Variants in FXN observed in about 807,000 individuals in gnomAD.
FXN encodes frataxin, also known as frataxin, mitochondrial.
A neutral mutation model predicts 22.4 loss-of-function variants in FXN; 14 were observed. The observed-to-expected ratio is 0.62, with a 90% CI of 0.41 to 0.98. FXN has a LOEUF of 0.98. Ranked by LOEUF, FXN falls within the 50% of genes least tolerant of loss-of-function variation. The pLI, the probability that FXN is intolerant of heterozygous loss-of-function variation, is 0.00. For synonymous variants in FXN, 120 were observed against 114.1 expected (o/e 1.05, Z -0.33); for missense variants, 267 against 268.4 (o/e 0.99, Z 0.04).
chr9:69,071,137 G>A (rs1832267051), intron 4 of FXN: 1 of 517,624 alleles, frequency 1.9e-6, no homozygotes, highest in Non-Finnish European at 3.9e-6. Flanking sequence ...AGGCAGTGTG[G>A]AGGGGTCTAG....
At chr9:69,045,600 A>G (rs183811537) in intron 1 of FXN, among the ~76,000 whole-genome samples, 133 of 152,176 alleles carry the variant, frequency 8.7e-4, no homozygotes, top group African/African-American at 3.1e-3. Flanking sequence ...CTCAAAAACA[A>G]AAAACAAAAA....
chr9:69,077,003 C>A lies in FXN; in HGVS notation c.*4241C>A. ...GATCTGGGCTCACTACAACCTCCGC[C>A]TCCTGGGTTCAAGCAATTCTCTGCC... On this transcript the variant is annotated 3_prime_UTR_variant, in exon 5 of 5. Coordinates refer to ENST00000484259, the MANE Select transcript of FXN (RefSeq NM_000144.5). 3 of 721,458 alleles carry A rather than the reference C, an allele frequency of 4.2e-6. No homozygotes were observed. The highest frequency in any genetic ancestry group is 5.1e-6 in the Non-Finnish European group (3 of 589,170). 44.7% of individuals were successfully genotyped at this position (721,458 alleles called of 1,614,324 possible).
At chr9:69,056,576 A>G (rs1471488333) in intron 3 of FXN, among the ~76,000 whole-genome samples, 2 of 152,156 alleles carry the variant, frequency 1.3e-5, no homozygotes, top group African/African-American at 2.4e-5. Flanking sequence ...GCTGTGAGCC[A>G]TGATCGCACC....
Position 69,058,798 on chromosome 9 carries a change from G to A in FXN, c.384+5538G>A, listed in dbSNP as rs1417880469. The stretch of plus-strand genomic sequence containing the variant: ...AAAGTGAGGGCCTGGTGCTGGTGCG[G>A]TGCCTCACGCCTGTAATCCCAGCAC... On this transcript the variant is annotated intron_variant, in intron 3 of 4. Coordinates refer to ENST00000484259, the MANE Select transcript of FXN (RefSeq NM_000144.5). 2.0e-5 allele frequency among the ~76,000 whole-genome samples: 3 copies of A among 152,180 alleles called. No individual in the cohort carries two copies. The East Asian group carries it at 5.8e-4, about 29-fold the overall frequency.
intron 1 of FXN, 128 bp downstream of exon 1, chr9:69,036,075 C>A (rs1587812052): frequency 2.4e-6 from 2 of 828,390 alleles, no homozygotes; most frequent in Non-Finnish European, 1.6e-6. Flanking sequence ...TCACCCCGCT[C>A]CTTCTCAGGG....
chr9:69,072,485 TA>T, intron 4 of FXN, 126 bp from the exon 5 acceptor site: 1 of 1,429,792 alleles, frequency 7.0e-7, no homozygotes, highest in South Asian at 1.2e-5. Flanking sequence ...AGATATACAC[TA>T]GCTCATTTTG....
At chr9:69,036,063 G>A (rs1335071553) in intron 1 of FXN, 116 bp downstream of exon 1, 3 of 901,394 alleles carry the variant, frequency 3.3e-6, no homozygotes, top group South Asian at 5.1e-5. Flanking sequence ...CGCTGGACTA[G>A]CTCACCCCGC....
At position 69,039,901 on chromosome 9, in the gene FXN, C is replaced by T. The variant is rs146716147; in HGVS notation, c.165+3954C>T. On this transcript the variant is annotated intron_variant, in intron 1 of 4. Coordinates refer to ENST00000484259, the MANE Select transcript of FXN (RefSeq NM_000144.5). ...GTGGGGACTTTGCAGAGTATTGAGGCGGCACCGGGCGTCATATGGTAAGGG... is the reference window on the plus strand; with the variant it reads ...GTGGGGACTTTGCAGAGTATTGAGGTGGCACCGGGCGTCATATGGTAAGGG... 4.9e-4 allele frequency among the ~76,000 whole-genome samples: 74 copies of T among 152,240 alleles called. No individual in the cohort carries two copies. The Middle Eastern group carries it at 0.01, about 21-fold the overall frequency.
rs145627418 is a variant in FXN, at chr9:69,064,896, T to C, written c.385-42T>C. 1.6e-4 allele frequency: 207 copies of C among 1,265,356 alleles called. No individual in the cohort carries two copies. In the African/African-American group the frequency reaches 2.9e-3, roughly 18 times the overall value. 78.4% of individuals were successfully genotyped at this position (1,265,356 alleles called of 1,614,324 possible). On this transcript the variant is annotated intron_variant, in intron 3 of 4. Coordinates refer to ENST00000484259, the MANE Select transcript of FXN (RefSeq NM_000144.5). ...TGATGACAAAGTGCTAACTTTTTCT[T>C]GTTTTAATTTCTTTATGCTTTTTTT...
chr9:69,037,281 A>AGAAGAAGAAGAAGAAGAAGAAGAAG (rs1554758751), intron 1 of FXN, among the ~76,000 whole-genome samples: 1 of 6,112 alleles, frequency 1.6e-4, no homozygotes, highest in Non-Finnish European at 6.1e-4. Context: ...AAAAAAAAAA[A>AGAAGAAGAAGAAGAAGAAGAAGAAG]AAAAAGAAGA....
intron 4 of FXN, among the ~76,000 whole-genome samples, chr9:69,065,666 C>A (rs1832155434): frequency 6.6e-6 from 1 of 152,134 alleles, no homozygotes; most frequent in South Asian, 2.1e-4. Context: ...TCCCTGCTGA[C>A]AATTTGGATA....
intron 4 of FXN, among the ~76,000 whole-genome samples, chr9:69,070,218 G>C (rs1439856420): frequency 2.7e-5 from 4 of 148,658 alleles, no homozygotes; most frequent in Admixed American, 1.3e-4. Flanking sequence ...GACACAGTGA[G>C]ACCCCATCTC....
chr9:69,047,109 A>T (rs1039010396), intron 2 of FXN, among the ~76,000 whole-genome samples: 18 of 152,166 alleles, frequency 1.2e-4, no homozygotes, highest in Non-Finnish European at 1.3e-4. Flanking sequence ...CCGGCACGGC[A>T]TTCCCCATGG....
intron 4 of FXN, among the ~76,000 whole-genome samples, chr9:69,067,044 G>A (rs1328340513): frequency 6.6e-6 from 1 of 152,238 alleles, no homozygotes; most frequent in African/African-American, 2.4e-5. Flanking sequence ...ATGGGAGTCG[G>A]GGGAAGGGAG....
In FXN at chr9:69,077,443, T is replaced by G. The variant is rs1212968810; in HGVS notation, c.*4681T>G. 4.1e-6 allele frequency: 4 copies of G among 985,394 alleles called. No individual in the cohort carries two copies. The East Asian group carries it at 3.4e-4, about 84-fold the overall frequency. The allele number at this position is 985,394 out of a possible 1,614,324, so 61.0% of individuals were successfully genotyped here. ...ATTGAAATGTTTATTAGCTGAAGAT[T>G]TATTTAGACAGTTGAGGAAAACATC... On this transcript the variant is annotated 3_prime_UTR_variant, in exon 5 of 5. Transcript: ENST00000484259.
intron 1 of FXN, among the ~76,000 whole-genome samples, chr9:69,043,126 A>AG (rs1291390769): frequency 6.6e-6 from 1 of 152,200 alleles, no homozygotes; most frequent in Non-Finnish European, 1.5e-5. Flanking sequence ...CGGCAAAAAA[A>AG]TGTGAGCTCC....
chr9:69,063,957 TTC>T (rs1564337640), intron 3 of FXN, among the ~76,000 whole-genome samples: 10 of 152,220 alleles, frequency 6.6e-5, no homozygotes, highest in Non-Finnish European at 4.4e-5. Flanking sequence ...GTGCTGGAAT[TTC>T]AGGCATGAGC....
chr9:69,071,202 A>C (rs570430496), intron 4 of FXN: 7 of 519,016 alleles, frequency 1.3e-5, no homozygotes, highest in South Asian at 7.0e-5. Flanking sequence ...TATAGGGCCA[A>C]GGGGACGGTC....
chr9:69,073,313 T>C lies in FXN; in HGVS notation c.*551T>C. On this transcript the variant is annotated 3_prime_UTR_variant, in exon 5 of 5. Coordinates refer to ENST00000484259, the MANE Select transcript of FXN (RefSeq NM_000144.5). ...CTCACACGGGAAGATCATTTCTTATTTGTGCTCTGTGACTGCCAAGGTGTG... is the reference window on the plus strand; with the variant it reads ...CTCACACGGGAAGATCATTTCTTATCTGTGCTCTGTGACTGCCAAGGTGTG... 1.0e-6 allele frequency: 1 copy of C among 998,050 alleles called. No individual in the cohort carries two copies. Among genetic ancestry groups the C allele is most frequent in the Non-Finnish European group, 1.2e-6 (1 of 837,076 alleles). The allele number at this position is 998,050 out of a possible 1,614,324, so 61.8% of individuals were successfully genotyped here.
Sources: allele counts gnomAD v4.1 joint callset (sites outside exome capture counted in the v4.1 genomes callset), GRCh38; gene constraint gnomAD v4.1.1; transcripts MANE v1.5; gene names NCBI Gene and HGNC (gene_info 2026-07-23, HGNC 2026-07-21).